The following ATF1 variants were observed in gnomAD, a reference collection of about 807,000 sequenced individuals.
ATF1 encodes activating transcription factor 1, also known as cyclic AMP-dependent transcription factor ATF-1.
In ATF1, 16 loss-of-function variants were observed where a neutral mutation model predicts 34.7. The ratio of observed to expected loss-of-function variants is 0.46; its 90% CI spans 0.31 to 0.70. The LOEUF (loss-of-function observed/expected upper bound fraction) is 0.70. ATF1 is among the 30% of genes least tolerant of loss of function. ATF1 has a pLI of 0.05. For missense variants in ATF1, 255 were observed against 321.6 expected, an observed-to-expected ratio of 0.79 and a Z score of 1.58; for synonymous variants, 105 against 113.1, an observed-to-expected ratio of 0.93 and a Z score of 0.46.
chr12:50,794,880 C>G (rs1307569282), intron 2 of ATF1, among the ~76,000 whole-genome samples: 6 of 152,064 alleles, frequency 3.9e-5, no homozygotes, highest in Non-Finnish European at 7.3e-5. Context: ...CATTGCACCA[C>G]TGCACTTCAG....
At chr12:50,810,103 G>A (rs1941703441) in intron 4 of ATF1, among the ~76,000 whole-genome samples, 1 of 151,940 alleles carries the variant, frequency 6.6e-6, no homozygotes, top group Non-Finnish European at 1.5e-5. Flanking sequence ...AAAGTGCTGG[G>A]ATTATAGACA....
At chr12:50,818,798 G>T (rs2139702674) in intron 6 of ATF1, among the ~76,000 whole-genome samples, 1 of 152,166 alleles carries the variant, frequency 6.6e-6, no homozygotes, top group Admixed American at 6.6e-5. Context: ...TAGAGATGAG[G>T]TTTTGCCATG....
intron 1 of ATF1, among the ~76,000 whole-genome samples, chr12:50,772,527 TGTTGGTCAG>T (rs1442613961): frequency 6.6e-6 from 1 of 152,052 alleles, no homozygotes; most frequent in African/African-American, 2.4e-5. Context: ...AGTTTCACCA[TGTTGGTCAG>T]GTTGGTCTCG....
chr12:50,767,339 T>G (rs1271630377), intron 1 of ATF1, among the ~76,000 whole-genome samples: 1 of 152,030 alleles, frequency 6.6e-6, no homozygotes, highest in Non-Finnish European at 1.5e-5. Context: ...GCCAACATGG[T>G]GAAACCCTAT....
intron 2 of ATF1, among the ~76,000 whole-genome samples, chr12:50,781,915 CAAA>C (rs56395543): frequency 2.2e-4 from 24 of 107,092 alleles, no homozygotes; most frequent in Admixed American, 3.7e-4. Context: ...ACCCTATCTC[CAAA>C]AAAAAAAAAA....
intron 2 of ATF1, among the ~76,000 whole-genome samples, chr12:50,783,988 C>CT (rs1241947922): frequency 6.6e-6 from 1 of 151,822 alleles, no homozygotes; most frequent in Non-Finnish European, 1.5e-5. Context: ...TAGTGAGACT[C>CT]TGTCTCTACT....
At chr12:50,780,672 ACAAG>A (rs1228701890) in intron 2 of ATF1, among the ~76,000 whole-genome samples, 1 of 151,448 alleles carries the variant, frequency 6.6e-6, no homozygotes, top group Non-Finnish European at 1.5e-5. Flanking sequence ...AAAAAACAAA[ACAAG>A]CAAAGGCCAG....
intron 1 of ATF1, among the ~76,000 whole-genome samples, chr12:50,766,716 T>C (rs1405059961): frequency 6.7e-6 from 1 of 148,224 alleles, no homozygotes; most frequent in East Asian, 2.0e-4. Context: ...GTCCCTTTGC[T>C]GCGTACAAGC....
chr12:50,790,472 T>C (rs7304793), intron 2 of ATF1, among the ~76,000 whole-genome samples: 140,551 of 152,144 alleles, frequency 0.92, 65,375 homozygotes, highest in Non-Finnish European at 0.98. Context: ...GGATTATAGG[T>C]GTGAGTCCCT....
At chr12:50,773,591 A>AT (rs35015609) in intron 1 of ATF1, among the ~76,000 whole-genome samples, 51,523 of 146,132 alleles carry the variant, frequency 0.35, 9,038 homozygotes, top group Non-Finnish European at 0.39. Flanking sequence ...GATGCCAGCT[A>AT]TTTTTTTTTT....
chr12:50,815,014 C>T (rs549551040), intron 6 of ATF1, among the ~76,000 whole-genome samples: 10 of 151,584 alleles, frequency 6.6e-5, no homozygotes, highest in Non-Finnish European at 1.3e-4. Flanking sequence ...CCCAGCTACC[C>T]GGGAGGCTGA....
Position 50,774,748 on chromosome 12 carries a change from TTTTG to T in ATF1, c.-6-5388_-6-5385del, listed in dbSNP as rs1940869305. ...GGAAAAAAGAGTTTTTTGTTTTTGT[TTTTG>T]TTTTTTTTTTTTTGAGACGGAGTCT... On this transcript the variant is annotated intron_variant, in intron 1 of 6. Transcript: ENST00000262053. Among the ~76,000 whole-genome samples the T allele has an allele frequency of 2.8e-5, 4 of 145,192 alleles. No individual in the cohort carries two copies. The South Asian group carries it at 8.6e-4, about 31-fold the overall frequency.
At chr12:50,786,034 A>G (rs1280575289) in intron 2 of ATF1, among the ~76,000 whole-genome samples, 3 of 152,212 alleles carry the variant, frequency 2.0e-5, no homozygotes, top group Non-Finnish European at 4.4e-5. Context: ...CCCAAACACC[A>G]GGAGCTGCAG....
intron 1 of ATF1, among the ~76,000 whole-genome samples, chr12:50,778,345 C>T (rs1940977839): frequency 1.3e-5 from 2 of 149,826 alleles, no homozygotes; most frequent in South Asian, 2.1e-4. Context: ...CCTGCCTCAG[C>T]CTCCTGAGTA....
chr12:50,799,371 G>A (rs146090911), intron 3 of ATF1, among the ~76,000 whole-genome samples: 4 of 152,256 alleles, frequency 2.6e-5, no homozygotes, highest in Non-Finnish European at 5.9e-5. Context: ...GTGACAGAAC[G>A]AGTCCCTGTC....
intron 2 of ATF1, among the ~76,000 whole-genome samples, chr12:50,790,159 G>C (rs1041256635): frequency 2.0e-5 from 3 of 150,898 alleles, no homozygotes; most frequent in Admixed American, 6.6e-5. Context: ...AAGTGTAATG[G>C]TAACTCTAGA....
chr12:50,791,913 T>C (rs888783890), intron 2 of ATF1, among the ~76,000 whole-genome samples: 11 of 152,008 alleles, frequency 7.2e-5, no homozygotes, highest in Non-Finnish European at 1.5e-4. Context: ...TTACTTGAAA[T>C]ATATATATAT....
chr12:50,790,655 A>G (rs932808655), intron 2 of ATF1, among the ~76,000 whole-genome samples: 2 of 152,090 alleles, frequency 1.3e-5, no homozygotes, highest in African/African-American at 4.8e-5. Flanking sequence ...CCACTGAAAC[A>G]GATGGAAAGC....
In ATF1 at chr12:50,809,508, G is replaced by A. The variant is rs146613889; in HGVS notation, c.247G>A (p.Gly83Arg). The change falls in exon 4 of 7, where the codon GGA becomes AGA. Residue 83 changes from glycine (G) to arginine (R), a missense_variant. By Grantham distance (125) the Gly-to-Arg change is moderately radical (BLOSUM62 -2). Transcript: ENST00000262053. ...AGATACACGGGGCAGAAAAGGAGACGGAGAAAATTCTGGAGTTTCTGCTGC... is the reference window on the plus strand; with the variant it reads ...AGATACACGGGGCAGAAAAGGAGACAGAGAAAATTCTGGAGTTTCTGCTGC... ...SEDTRGRKGD[G>R]ENSGVSAAVT... is the part of the protein sequence containing the mutation. 138 of 1,613,574 alleles carry A rather than the reference G, an allele frequency of 8.6e-5. No individual in the cohort carries two copies. Among genetic ancestry groups the A allele is most frequent in the Admixed American group, 4.5e-4 (27 of 59,984 alleles).
Sources: allele counts gnomAD v4.1 joint callset (sites outside exome capture counted in the v4.1 genomes callset), GRCh38; gene constraint gnomAD v4.1.1; transcripts MANE v1.5; gene names NCBI Gene and HGNC (gene_info 2026-07-23, HGNC 2026-07-21).